Variants in PDE10A observed in about 807,000 individuals in gnomAD.
PDE10A encodes cAMP and cAMP-inhibited cGMP 3',5'-cyclic phosphodiesterase 10A.
Under a neutral mutation model 97.7 loss-of-function variants are expected in PDE10A, and 39 were observed. The ratio of observed to expected loss-of-function variants is 0.40; its 90% CI spans 0.31 to 0.52. The LOEUF (loss-of-function observed/expected upper bound fraction) is 0.52, where lower values mean the gene tolerates loss of function less well. Ranked by LOEUF, PDE10A falls within the 20% of genes least tolerant of loss-of-function variation. The pLI is 0.56. For synonymous variants in PDE10A, 371 were observed against 376.8 expected, an observed-to-expected ratio of 0.98 and a Z score of 0.18; for missense variants, 731 against 1,047.8, an observed-to-expected ratio of 0.70 and a Z score of 4.17.
chr6:165,455,500 T>C (rs1777900461), intron 3 of PDE10A, among the ~76,000 whole-genome samples: 1 of 152,188 alleles, frequency 6.6e-6, no homozygotes, highest in Admixed American at 6.5e-5. Flanking sequence ...AATCAATTAA[T>C]TACTATGACC....
chr6:165,937,294 C>T (rs926666199), intron 1 of PDE10A, among the ~76,000 whole-genome samples: 1 of 152,124 alleles, frequency 6.6e-6, no homozygotes, highest in African/African-American at 2.4e-5. Flanking sequence ...TTTTTTCCCC[C>T]AAAGTACAAG....
intron 1 of PDE10A, among the ~76,000 whole-genome samples, chr6:165,966,874 A>T (rs926370379): frequency 2.9e-4 from 44 of 152,246 alleles, no homozygotes; most frequent in African/African-American, 1.0e-3. Flanking sequence ...AAGTCAAGAG[A>T]AAATAAAATA....
intron 1 of PDE10A, among the ~76,000 whole-genome samples, chr6:165,605,965 C>A (rs1787186901): frequency 6.6e-6 from 1 of 151,964 alleles, no homozygotes; most frequent in South Asian, 2.1e-4. Context: ...CTATAATATC[C>A]TTATTTTCTC....
intron 1 of PDE10A, among the ~76,000 whole-genome samples, chr6:165,919,670 A>G (rs980853597): frequency 1.3e-5 from 2 of 152,234 alleles, no homozygotes; most frequent in Non-Finnish European, 2.9e-5. Context: ...GTGCAGAAAT[A>G]AGCTGCAGCC....
intron 1 of PDE10A, among the ~76,000 whole-genome samples, chr6:165,589,698 C>A (rs3008063): frequency 0.6 from 91,584 of 151,900 alleles, 32,031 homozygotes; most frequent in Non-Finnish European, 0.78. Flanking sequence ...GGAAGAAAGA[C>A]AAATGGATGT....
At chr6:165,437,454 T>C (rs1790108651) in intron 5 of PDE10A, among the ~76,000 whole-genome samples, 1 of 152,310 alleles carries the variant, frequency 6.6e-6, no homozygotes, top group Admixed American at 6.5e-5. Context: ...CAAGAGTGTA[T>C]GGAAAGCTCT....
chr6:165,438,022 G>A (rs888822886), intron 5 of PDE10A, among the ~76,000 whole-genome samples: 1 of 152,148 alleles, frequency 6.6e-6, no homozygotes, highest in Non-Finnish European at 1.5e-5. Context: ...AATAGAGGTT[G>A]AAGTTTACAC....
intron 1 of PDE10A, among the ~76,000 whole-genome samples, chr6:165,608,706 G>A (rs1442118515): frequency 6.6e-6 from 1 of 152,114 alleles, no homozygotes; most frequent in Non-Finnish European, 1.5e-5. Flanking sequence ...CACAATGGTT[G>A]AACTAGTTTA....
At chr6:165,697,398 C>A (rs1038159895) in intron 1 of PDE10A, among the ~76,000 whole-genome samples, 4 of 152,272 alleles carry the variant, frequency 2.6e-5, no homozygotes, top group African/African-American at 7.2e-5. Context: ...TCTAGCAAAG[C>A]TGTAATAAAA....
chr6:165,466,220 G>A (rs927058485), intron 3 of PDE10A, among the ~76,000 whole-genome samples: 1 of 152,148 alleles, frequency 6.6e-6, no homozygotes, highest in Non-Finnish European at 1.5e-5. Flanking sequence ...GGACAAAAAG[G>A]TTCACAAGAT....
intron 1 of PDE10A, among the ~76,000 whole-genome samples, chr6:165,882,516 C>A (rs755344934): frequency 2.0e-4 from 30 of 152,144 alleles, no homozygotes; most frequent in Non-Finnish European, 3.5e-4. Context: ...AAAAGGATAA[C>A]AAGACCTTCT....
chr6:165,663,436 G>C (rs570085318), upstream of PDE10A, among the ~76,000 whole-genome samples: 1 of 152,284 alleles, frequency 6.6e-6, no homozygotes, highest in African/African-American at 2.4e-5. Context: ...ATCTGGGTCC[G>C]GTGTTTCGGA....
At chr6:165,938,535 C>T (rs765512311) in intron 1 of PDE10A, among the ~76,000 whole-genome samples, 2 of 152,212 alleles carry the variant, frequency 1.3e-5, no homozygotes, top group Non-Finnish European at 2.9e-5. Context: ...CCTGTGCTCA[C>T]TGGACAACGG....
chr6:165,414,539 C>T (rs1276109728), intron 12 of PDE10A, among the ~76,000 whole-genome samples: 1 of 152,118 alleles, frequency 6.6e-6, no homozygotes, highest in Non-Finnish European at 1.5e-5. Flanking sequence ...ATTGAATGGA[C>T]ATATCGTATT....
upstream of PDE10A, among the ~76,000 whole-genome samples, chr6:165,665,891 A>G (rs148754070): frequency 1.1e-3 from 174 of 152,296 alleles, no homozygotes; most frequent in African/African-American, 4.0e-3. Flanking sequence ...TTCTCCAAAC[A>G]TTCTTCTATA....
intron 1 of PDE10A, among the ~76,000 whole-genome samples, chr6:165,885,339 A>C (rs1781599666): frequency 6.6e-6 from 1 of 152,236 alleles, no homozygotes; most frequent in Admixed American, 6.5e-5. Flanking sequence ...AGGTGGCAGA[A>C]GCGAGAGAGA....
intron 1 of PDE10A, among the ~76,000 whole-genome samples, chr6:165,577,835 C>T (rs985960518): frequency 2.6e-5 from 4 of 152,174 alleles, no homozygotes; most frequent in Admixed American, 6.5e-5. Flanking sequence ...CTTCCTAGGA[C>T]GGACGGGAAA....
intron 1 of PDE10A, among the ~76,000 whole-genome samples, chr6:165,929,478 C>T (rs766200746): frequency 6.6e-6 from 1 of 152,184 alleles, no homozygotes; most frequent in Non-Finnish European, 1.5e-5. Flanking sequence ...CCGTCAGAAA[C>T]ATTACAACCA....
chr6:165,662,086 GCCGC>G lies in PDE10A; in HGVS notation c.722_725del (p.Gly241AlafsTer40). On this transcript the variant is annotated frameshift_variant, in exon 1 of 22. Coordinates refer to ENST00000539869, the MANE Select transcript of PDE10A (RefSeq NM_001385079.1). LOFTEE classifies it high-confidence loss of function. ...CGCCCTGGGGACGCCGCGGAGTTTG[GCCGC>G]CGCCGCCTGGGCCGGCGCCGGGGAA... The G allele has an allele frequency of 8.1e-7, 1 of 1,238,438 alleles. No individual in the cohort carries two copies. Among genetic ancestry groups the G allele is most frequent in the Non-Finnish European group, 1.0e-6 (1 of 977,782 alleles). 76.7% of individuals were successfully genotyped at this position (1,238,438 alleles called of 1,614,324 possible).
Sources: allele counts gnomAD v4.1 joint callset (sites outside exome capture counted in the v4.1 genomes callset), GRCh38; gene constraint gnomAD v4.1.1; transcripts MANE v1.5; gene names NCBI Gene and HGNC (gene_info 2026-07-23, HGNC 2026-07-21).